The following TMEM272 variants were observed in gnomAD, a reference collection of about 807,000 sequenced individuals.
The protein encoded by TMEM272 is transmembrane protein 272.
In TMEM272, 8 loss-of-function variants were observed where a neutral mutation model predicts 3.7. The ratio of observed to expected loss-of-function variants is 2.17; its 90% confidence interval spans 1.27 to 3.91. TMEM272 has a LOEUF of 3.91. Ranked by LOEUF, TMEM272 falls within the 30% of genes most tolerant of loss-of-function variation. The probability of loss-of-function intolerance (pLI) is 0.00; values close to 1 mark genes in which losing one functional copy is unlikely to be tolerated. For synonymous variants in TMEM272, 63 were observed against 39.8 expected (o/e 1.58, Z -2.20); for missense variants, 166 against 91.5 (o/e 1.81, Z -3.32).
the TMEM272 span, among the ~76,000 whole-genome samples, chr13:51,854,250 C>T: frequency 2.6e-5 from 4 of 152,128 alleles, no homozygotes; most frequent in Admixed American, 6.5e-5. Flanking sequence ...AAGGCTTACC[C>T]GAAATAGCAA....
chr13:51,865,410 A>G, the TMEM272 span: 2 of 1,606,504 alleles, frequency 1.2e-6, no homozygotes, highest in East Asian at 2.2e-5. Flanking sequence ...CTGATAAGGA[A>G]GATGTTTTCC....
At chr13:51,873,523 C>T in the TMEM272 span, among the ~76,000 whole-genome samples, 1 of 152,224 alleles carries the variant, frequency 6.6e-6, no homozygotes, top group East Asian at 1.9e-4. Context: ...CATCATACAT[C>T]GGAATCAACC....
At chr13:51,829,644 G>A (rs1956155782) in intron 2 of TMEM272, among the ~76,000 whole-genome samples, 2 of 152,140 alleles carry the variant, frequency 1.3e-5, no homozygotes, top group Non-Finnish European at 2.9e-5. Flanking sequence ...AAAGTGATCG[G>A]CATCCTGAAA....
chr13:51,821,207 G>GT (rs1360142972), intron 4 of TMEM272, among the ~76,000 whole-genome samples: 29 of 152,158 alleles, frequency 1.9e-4, no homozygotes, highest in Admixed American at 3.9e-4. Flanking sequence ...TTACGGCTTT[G>GT]TTTTTATGAA....
the TMEM272 span, among the ~76,000 whole-genome samples, chr13:51,872,026 A>G: frequency 6.6e-6 from 1 of 152,168 alleles, no homozygotes; most frequent in Non-Finnish European, 1.5e-5. Flanking sequence ...CAGAGCTTCT[A>G]ATAACTGTTT....
the TMEM272 span, among the ~76,000 whole-genome samples, chr13:51,895,159 C>T: frequency 2.0e-5 from 3 of 152,294 alleles, no homozygotes; most frequent in South Asian, 2.1e-4. Flanking sequence ...CAGTTCCTAA[C>T]AGGCCATGGA....
the TMEM272 span, among the ~76,000 whole-genome samples, chr13:51,888,654 T>G: frequency 4.4e-5 from 6 of 136,174 alleles, no homozygotes; most frequent in Non-Finnish European, 7.9e-5. Flanking sequence ...TTTTTTTTTT[T>G]TTTTTTTTTG....
the TMEM272 span, chr13:51,908,243 G>C: frequency 2.6e-6 from 2 of 754,876 alleles, no homozygotes; most frequent in Non-Finnish European, 4.5e-6. Context: ...TGGATCTTCA[G>C]CAGCAGGCTC....
chr13:51,894,592 G>A, the TMEM272 span, among the ~76,000 whole-genome samples: 1 of 152,182 alleles, frequency 6.6e-6, no homozygotes, highest in Non-Finnish European at 1.5e-5. Flanking sequence ...CAGATGCCCA[G>A]TGGATGTTCA....
intron 1 of TMEM272, among the ~76,000 whole-genome samples, chr13:51,844,767 T>C (rs1956290662): frequency 6.6e-6 from 1 of 152,206 alleles, no homozygotes; most frequent in South Asian, 2.1e-4. Flanking sequence ...CCACACAACT[T>C]GCCTTCGCCC....
chr13:51,897,222 CTTT>C, the TMEM272 span, among the ~76,000 whole-genome samples: 1 of 152,004 alleles, frequency 6.6e-6, no homozygotes, highest in Non-Finnish European at 1.5e-5. Context: ...AAGACATTGT[CTTT>C]TTTTTATTTT....
intron 3 of TMEM272, among the ~76,000 whole-genome samples, chr13:51,824,503 T>C (rs1436569056): frequency 6.6e-6 from 1 of 152,222 alleles, no homozygotes; most frequent in Non-Finnish European, 1.5e-5. Flanking sequence ...ACAAACTCTA[T>C]AACCAATATT....
chr13:51,871,737 TAA>T, the TMEM272 span, among the ~76,000 whole-genome samples: 1 of 151,678 alleles, frequency 6.6e-6, no homozygotes, highest in South Asian at 2.1e-4. Flanking sequence ...TGTAAGCCAC[TAA>T]GTTTTAGGGT....
chr13:51,838,648 AGGGTGG>A, intron 1 of TMEM272, 95 bp from the exon 2 acceptor site: 1 of 694,658 alleles, frequency 1.4e-6, no homozygotes, highest in East Asian at 2.7e-5. Context: ...GGTGGCCTGC[AGGGTGG>A]TCTCAGTCAG....
the TMEM272 span, among the ~76,000 whole-genome samples, chr13:51,876,084 C>T: frequency 1.3e-5 from 2 of 152,210 alleles, no homozygotes; most frequent in African/African-American, 4.8e-5. Flanking sequence ...TGTGCCCTCC[C>T]TCCAGTTTGT....
the TMEM272 span, among the ~76,000 whole-genome samples, chr13:51,899,562 C>T: frequency 6.8e-6 from 1 of 147,748 alleles, no homozygotes; most frequent in Non-Finnish European, 1.5e-5. Context: ...AGTATTAAGA[C>T]GGCAATATTT....
chr13:51,840,648 A>C (rs1956254888), intron 1 of TMEM272, among the ~76,000 whole-genome samples: 2 of 152,178 alleles, frequency 1.3e-5, no homozygotes, highest in Admixed American at 1.3e-4. Flanking sequence ...CTCCCTGCCC[A>C]CTGTTCTCCT....
At chr13:51,884,911 G>C in the TMEM272 span, among the ~76,000 whole-genome samples, 2,853 of 152,268 alleles carry the variant, frequency 0.019, 44 homozygotes, top group Non-Finnish European at 0.027. Context: ...GTAAAATGAG[G>C]AAGTTATAGC....
chr13:51,897,079 G>A, the TMEM272 span, among the ~76,000 whole-genome samples: 457 of 152,344 alleles, frequency 3.0e-3, 4 homozygotes, highest in African/African-American at 0.011. Flanking sequence ...ACAGGGTGAT[G>A]CAGAGTGGCC....
Sources: gnomAD v4.1 joint callset for allele counts (sites outside exome capture counted in the v4.1 genomes callset) on GRCh38, gnomAD v4.1.1 for gene constraint, MANE v1.5 for transcripts, NCBI Gene and HGNC (gene_info 2026-07-23, HGNC 2026-07-21) for gene names.